TF: variants seen among roughly 807,000 people sequenced by gnomAD.
TF encodes the protein serotransferrin.
A neutral mutation model predicts 82.4 loss-of-function variants in TF; 55 were observed. That is an observed-to-expected ratio of 0.67 (90% CI 0.54 to 0.84). TF has a LOEUF of 0.84. Among genes scored for constraint, TF ranks in the 40% least tolerant of loss-of-function variants. TF has a pLI of 0.00. For synonymous variants in TF, 332 were observed against 332.6 expected (o/e 1.00, Z 0.02); for missense variants, 737 against 868.4 (o/e 0.85, Z 1.90).
intron 14 of TF, chr3:133,772,754 C>T (rs1559877972): frequency 1.3e-5 from 2 of 152,028 alleles, no homozygotes; most frequent in South Asian, 2.1e-4. Flanking sequence ...TTAAGGTAGA[C>T]AACATGATTT....
At chr3:133,683,476 C>T in the TF span, among the ~76,000 whole-genome samples, 5 of 152,034 alleles carry the variant, frequency 3.3e-5, no homozygotes, top group African/African-American at 9.7e-5. Context: ...CAGAGACACA[C>T]ATAGGCTTAA....
At chr3:133,730,830 C>T in the TF span, among the ~76,000 whole-genome samples, 1 of 152,198 alleles carries the variant, frequency 6.6e-6, no homozygotes, top group Non-Finnish European at 1.5e-5. Context: ...CTCACACTGC[C>T]TTTCCCTGAG....
intron 2 of TF, among the ~76,000 whole-genome samples, chr3:133,752,811 A>C (rs188687772): frequency 3.9e-5 from 6 of 152,328 alleles, no homozygotes; most frequent in Admixed American, 2.0e-4. Context: ...TGGAGCTGAG[A>C]GAGAAAGAGA....
the TF span, among the ~76,000 whole-genome samples, chr3:133,713,488 T>A: frequency 1.3e-5 from 2 of 151,854 alleles, no homozygotes; most frequent in Admixed American, 6.6e-5. Flanking sequence ...GAGAAAGGAG[T>A]GATGTCTAGG....
chr3:133,777,244 T>C lies in TF; in HGVS notation c.2062+6T>C. On this transcript the variant is annotated splice_donor_region_variant and intron_variant, in intron 16 of 16. Transcript: ENST00000402696. Reference sequence around the variant, plus strand: ...GAGAAAATGCTCCACCTCATGTGAGTAGGAGGAACAGCATGGGGAAGTGGC... The same window carrying C: ...GAGAAAATGCTCCACCTCATGTGAGCAGGAGGAACAGCATGGGGAAGTGGC... The C allele has an allele frequency of 6.2e-7, 1 of 1,610,544 alleles. No individual in the cohort carries two copies. Among genetic ancestry groups the C allele is most frequent in the Non-Finnish European group, 8.5e-7 (1 of 1,179,692 alleles).
upstream of TF, among the ~76,000 whole-genome samples, chr3:133,743,901 T>C (rs1933440991): frequency 6.6e-6 from 1 of 152,194 alleles, no homozygotes. Flanking sequence ...ACCCCAAAGC[T>C]GGCCTCACCC....
At chr3:133,740,162 G>A in the TF span, among the ~76,000 whole-genome samples, 1 of 152,188 alleles carries the variant, frequency 6.6e-6, no homozygotes, top group African/African-American at 2.4e-5. Context: ...CATAAAAAAG[G>A]ATGAGTTCAT....
intron 2 of TF, among the ~76,000 whole-genome samples, chr3:133,750,543 T>C (rs1444125737): frequency 1.3e-5 from 2 of 152,136 alleles, no homozygotes; most frequent in Admixed American, 1.3e-4. Flanking sequence ...TTATTTTGAC[T>C]TGTGAGAGCT....
the TF span, among the ~76,000 whole-genome samples, chr3:133,706,113 G>A: frequency 6.6e-6 from 1 of 152,160 alleles, no homozygotes; most frequent in Non-Finnish European, 1.5e-5. Flanking sequence ...TTCAGAAGAG[G>A]AGGAATGGCT....
the TF span, among the ~76,000 whole-genome samples, chr3:133,736,841 G>T: frequency 6.6e-6 from 1 of 152,054 alleles, no homozygotes; most frequent in African/African-American, 2.4e-5. Context: ...GACGGACAAA[G>T]AGACTTAGAC....
At chr3:133,676,585 C>G in the TF span, among the ~76,000 whole-genome samples, 1 of 152,074 alleles carries the variant, frequency 6.6e-6, no homozygotes, top group Non-Finnish European at 1.5e-5. Context: ...AAGGGCAGAG[C>G]AAGAGGAAGG....
the TF span, among the ~76,000 whole-genome samples, chr3:133,686,844 G>A: frequency 6.6e-6 from 1 of 152,100 alleles, no homozygotes; most frequent in Non-Finnish European, 1.5e-5. Flanking sequence ...CCCATTACTG[G>A]GTATATACCC....
At chr3:133,748,063 C>T in intron 1 of TF, 1 of 335,750 alleles carries the variant, frequency 3.0e-6, no homozygotes, top group Non-Finnish European at 5.7e-6. Context: ...ACGCCCTGTG[C>T]ATACTGAGGC....
chr3:133,716,260 C>T, the TF span, among the ~76,000 whole-genome samples: 12 of 152,276 alleles, frequency 7.9e-5, no homozygotes, highest in South Asian at 2.5e-3. Flanking sequence ...AACCCCAGAC[C>T]TGTAGATCCA....
the TF span, among the ~76,000 whole-genome samples, chr3:133,705,716 T>A: frequency 6.6e-6 from 1 of 152,242 alleles, no homozygotes; most frequent in Admixed American, 6.5e-5. Context: ...GTACCTTGAT[T>A]GTTTTTCTTT....
At chr3:133,746,565 ATG>A in intron 1 of TF, 82 bp downstream of exon 1, 1 of 1,455,894 alleles carries the variant, frequency 6.9e-7, no homozygotes, top group Non-Finnish European at 9.3e-7. Context: ...CGCAGCCTGC[ATG>A]CACTCCGCGC....
the TF span, among the ~76,000 whole-genome samples, chr3:133,696,463 C>T: frequency 3.3e-5 from 5 of 152,096 alleles, no homozygotes; most frequent in East Asian, 1.9e-4. Context: ...AGAACATATC[C>T]CCCTTGAATA....
In TF at chr3:133,754,618, C is replaced by T; in HGVS notation, c.449C>T (p.Pro150Leu). 1 of 1,614,198 alleles carries T rather than the reference C, an allele frequency of 6.2e-7. No individual in the cohort carries two copies. Among genetic ancestry groups the T allele is most frequent in the South Asian group, 1.1e-5 (1 of 91,088 alleles). ...GLGRSAGWNI[P>L]IGLLYCDLPE... is the part of the protein sequence containing the mutation. ...GGCAGGTCCGCTGGGTGGAACATCC[C>T]CATAGGCTTACTTTACTGTGACTTA... is the stretch of plus-strand genomic sequence containing the variant. The change falls in exon 4 of 17, where the codon CCC (proline) becomes CTC (leucine). Residue 150 changes from proline (P) to leucine (L), a missense_variant. Physicochemically the swap from Pro to Leu is moderately conservative, Grantham distance 98. Transcript: ENST00000402696.
At chr3:133,752,918 C>A (rs1187744658) in intron 2 of TF, among the ~76,000 whole-genome samples, 1 of 152,100 alleles carries the variant, frequency 6.6e-6, no homozygotes, top group East Asian at 1.9e-4. Context: ...CATAGTATCA[C>A]CAAGAAGCTA....
Sources: gnomAD v4.1 joint callset for allele counts (sites outside exome capture counted in the v4.1 genomes callset) on GRCh38, gnomAD v4.1.1 for gene constraint, MANE v1.5 for transcripts, NCBI Gene and HGNC (gene_info 2026-07-23, HGNC 2026-07-21) for gene names.